ZNF385D: variants seen among roughly 807,000 people sequenced by gnomAD.
The protein encoded by ZNF385D is zinc finger protein 385D.
A neutral mutation model predicts 35.8 loss-of-function variants in ZNF385D; 15 were observed. That is an observed-to-expected ratio of 0.42 (90% CI 0.28 to 0.64). ZNF385D has a LOEUF of 0.64. Among genes scored for constraint, ZNF385D ranks in the 30% least tolerant of loss-of-function variants. The pLI, the probability that ZNF385D is intolerant of heterozygous loss-of-function variation, is 0.23. For synonymous variants in ZNF385D, 212 were observed against 186.8 expected (o/e 1.13, Z -1.10); for missense variants, 474 against 494.6 (o/e 0.96, Z 0.39).
At chr3:21,452,007 C>G (rs963782762) in intron 4 of ZNF385D, among the ~76,000 whole-genome samples, 1 of 151,960 alleles carries the variant, frequency 6.6e-6, no homozygotes, top group African/African-American at 2.4e-5. Flanking sequence ...TATTTCTGCA[C>G]AAATATTGCT....
chr3:21,820,265 A>G (rs1196268908), intron 3 of ZNF385D, among the ~76,000 whole-genome samples: 1 of 151,878 alleles, frequency 6.6e-6, no homozygotes, highest in Admixed American at 6.6e-5. Flanking sequence ...TACAGCTCAC[A>G]TTCTGTGACC....
At chr3:22,196,502 G>T (rs769362518) in intron 2 of ZNF385D, among the ~76,000 whole-genome samples, 1 of 151,568 alleles carries the variant, frequency 6.6e-6, no homozygotes, top group Non-Finnish European at 1.5e-5. Flanking sequence ...CATTTTGACT[G>T]AACTATTTTG....
chr3:21,648,427 C>A (rs1269588726), intron 2 of ZNF385D, among the ~76,000 whole-genome samples: 1 of 152,080 alleles, frequency 6.6e-6, no homozygotes, highest in Admixed American at 6.6e-5. Context: ...TTTCTTTATA[C>A]CATGTAAAAA....
chr3:22,274,018 G>A (rs547447606), intron 2 of ZNF385D, among the ~76,000 whole-genome samples: 3 of 152,066 alleles, frequency 2.0e-5, no homozygotes, highest in Middle Eastern at 3.4e-3. Flanking sequence ...CATCAAAGAA[G>A]AGTTTTAGTA....
intron 2 of ZNF385D, among the ~76,000 whole-genome samples, chr3:21,596,899 T>C (rs757532606): frequency 6.6e-5 from 10 of 152,064 alleles, no homozygotes; most frequent in African/African-American, 1.4e-4. Flanking sequence ...GGAAAGGAGG[T>C]CTTCATGACA....
intron 2 of ZNF385D, among the ~76,000 whole-genome samples, chr3:22,313,361 G>T (rs149761938): frequency 4.0e-5 from 6 of 151,716 alleles, no homozygotes; most frequent in South Asian, 2.1e-4. Context: ...TAACAAACCT[G>T]CACGTTGTGC....
At position 21,826,439 on chromosome 3, in the gene ZNF385D, A is replaced by G. The variant is rs528556623; in HGVS notation, c.326-161411T>C. Reference sequence around the variant, plus strand: ...ATTCCCCTAGGTGACACTAGTTGGAAGAAATATTTGGTAAGGCAACACAGA... The same window carrying G: ...ATTCCCCTAGGTGACACTAGTTGGAGGAAATATTTGGTAAGGCAACACAGA... On this transcript the variant is annotated intron_variant, in intron 3 of 5. Coordinates refer to the ZNF385D transcript ENST00000494108. 1.2e-3 allele frequency among the ~76,000 whole-genome samples: 177 copies of G among 152,274 alleles called. 1 individual carries two copies. The highest frequency in any genetic ancestry group is 3.8e-3 in the African/African-American group (158 of 41,562).
intron 3 of ZNF385D, among the ~76,000 whole-genome samples, chr3:21,940,301 A>ACCAGTTCAC (rs558285441): frequency 6.6e-6 from 1 of 152,138 alleles, no homozygotes; most frequent in African/African-American, 2.4e-5. Context: ...TGGATTTGAC[A>ACCAGTTCAC]CCAGTTCACC....
chr3:21,943,858 A>C (rs553274587), intron 3 of ZNF385D, among the ~76,000 whole-genome samples: 3 of 152,196 alleles, frequency 2.0e-5, no homozygotes, highest in Non-Finnish European at 4.4e-5. Flanking sequence ...ATGGAAATAC[A>C]AAGAAATCAT....
chr3:21,444,719 C>T (rs4858000), intron 4 of ZNF385D, among the ~76,000 whole-genome samples: 50,314 of 151,946 alleles, frequency 0.33, 10,221 homozygotes, highest in African/African-American at 0.57. Flanking sequence ...GATCAATTAG[C>T]TTCATAGGGA....
chr3:21,782,772 A>G (rs2071543813), intron 3 of ZNF385D, among the ~76,000 whole-genome samples: 2 of 152,106 alleles, frequency 1.3e-5, no homozygotes, highest in South Asian at 4.1e-4. Context: ...TTAGTTCTCT[A>G]CCATTACTCT....
At chr3:21,735,871 A>G (rs1326594942) in intron 1 of ZNF385D, among the ~76,000 whole-genome samples, 4 of 152,204 alleles carry the variant, frequency 2.6e-5, no homozygotes, top group South Asian at 4.1e-4. Context: ...AGGGATTGCT[A>G]TGATTGTCCT....
At chr3:22,097,379 T>G (rs1701689119) in intron 3 of ZNF385D, among the ~76,000 whole-genome samples, 1 of 151,194 alleles carries the variant, frequency 6.6e-6, no homozygotes, top group East Asian at 1.9e-4. Flanking sequence ...TTGAGGGGAG[T>G]ATTAGTGGGA....
At chr3:22,303,152 T>G (rs992322332) in intron 2 of ZNF385D, among the ~76,000 whole-genome samples, 2 of 152,188 alleles carry the variant, frequency 1.3e-5, no homozygotes, top group African/African-American at 2.4e-5. Flanking sequence ...AATAATATCG[T>G]TGGCTGCACA....
At chr3:21,732,332 G>A (rs1248450900) in intron 1 of ZNF385D, among the ~76,000 whole-genome samples, 1 of 152,038 alleles carries the variant, frequency 6.6e-6, no homozygotes. Flanking sequence ...GATTACAGGC[G>A]TGAGCCACCG....
At chr3:22,112,017 T>C (rs752996829) in intron 3 of ZNF385D, among the ~76,000 whole-genome samples, 2 of 152,158 alleles carry the variant, frequency 1.3e-5, no homozygotes, top group Non-Finnish European at 2.9e-5. Flanking sequence ...TCAGACATTT[T>C]ACCCTGCTCT....
intron 2 of ZNF385D, among the ~76,000 whole-genome samples, chr3:22,192,220 G>C (rs900953068): frequency 1.3e-5 from 2 of 152,188 alleles, no homozygotes; most frequent in South Asian, 2.1e-4. Context: ...TTGGTGTTCA[G>C]ATGCTGAGAG....
chr3:22,236,801 T>C (rs1174856751), intron 2 of ZNF385D, among the ~76,000 whole-genome samples: 1 of 152,216 alleles, frequency 6.6e-6, no homozygotes, highest in East Asian at 1.9e-4. Context: ...AATAGAATCA[T>C]ACAATAAGTG....
intron 3 of ZNF385D, among the ~76,000 whole-genome samples, chr3:22,026,252 T>G (rs140622911): frequency 6.6e-6 from 1 of 152,288 alleles, no homozygotes; most frequent in Admixed American, 6.5e-5. Flanking sequence ...ATTTCAAGAC[T>G]TGACCCAGTT....
Sources: gnomAD v4.1 joint callset for allele counts (sites outside exome capture counted in the v4.1 genomes callset) on GRCh38, gnomAD v4.1.1 for gene constraint, MANE v1.5 for transcripts, NCBI Gene and HGNC (gene_info 2026-07-23, HGNC 2026-07-21) for gene names.